GRIP1: variants seen among roughly 807,000 people sequenced by gnomAD.
GRIP1 encodes the protein glutamate receptor interacting protein 1.
In GRIP1, 45 loss-of-function variants were observed where a neutral mutation model predicts 129.9. That is an observed-to-expected ratio of 0.35 (90% confidence interval 0.27 to 0.44). The LOEUF (loss-of-function observed/expected upper bound fraction) is 0.44, where lower values mean the gene tolerates loss of function less well. Ranked by LOEUF, GRIP1 falls within the 20% of genes least tolerant of loss-of-function variation. The pLI is 1.00. For synonymous variants in GRIP1, 530 were observed against 520.8 expected (o/e 1.02, Z -0.24); for missense variants, 1,196 against 1,396.8 (o/e 0.86, Z 2.29).
At chr12:66,979,129 T>C (rs7973888) in intron 1 of GRIP1, among the ~76,000 whole-genome samples, 151,535 of 151,536 alleles carry the variant, frequency 1, 75,767 homozygotes, top group Non-Finnish European at 1. Flanking sequence ...ATACACTTTT[T>C]TTCCTGTATA....
chr12:66,776,764 C>T (rs2037994520), intron 1 of GRIP1, among the ~76,000 whole-genome samples: 1 of 152,112 alleles, frequency 6.6e-6, no homozygotes, highest in Non-Finnish European at 1.5e-5. Flanking sequence ...AATACTTTTG[C>T]TTATTAGATT....
At chr12:66,631,813 AC>A (rs2030819638) in intron 1 of GRIP1, among the ~76,000 whole-genome samples, 1 of 152,222 alleles carries the variant, frequency 6.6e-6, no homozygotes, top group African/African-American at 2.4e-5. Flanking sequence ...GAGTATTTTA[AC>A]GTGACAGAAC....
chr12:66,982,705 G>T (rs143352766), intron 1 of GRIP1, among the ~76,000 whole-genome samples: 1 of 152,148 alleles, frequency 6.6e-6, no homozygotes, highest in South Asian at 2.1e-4. Flanking sequence ...CCCCAGTCAA[G>T]TCTTCAAATG....
chr12:66,944,046 T>C (rs567689518), intron 1 of GRIP1, among the ~76,000 whole-genome samples: 2 of 152,342 alleles, frequency 1.3e-5, no homozygotes, highest in African/African-American at 2.4e-5. Flanking sequence ...AAGGTTGCTA[T>C]AATGACTTAC....
At chr12:66,825,597 C>T (rs931508210) in intron 1 of GRIP1, among the ~76,000 whole-genome samples, 1 of 152,100 alleles carries the variant, frequency 6.6e-6, no homozygotes. Context: ...GTAAAATGGG[C>T]ATAATATAGT....
chr12:66,353,503 G>A lies in GRIP1; in HGVS notation c.3073C>T (p.Leu1025=). The change falls in exon 24 of 25, where the codon CTG becomes TTG. Residue 1025 remains leucine, a synonymous_variant. Coordinates refer to ENST00000359742, the MANE Select transcript of GRIP1 (RefSeq NM_001366722.1). ...DFGFSVADGL[L]EKGVYVKNIR... ...TTTTTGACATACACTCCTTTCTCCA[G>A]TAAGCCATCTGCTACACTGAACCCA... The A allele has an allele frequency of 6.2e-7, 1 of 1,613,154 alleles. No homozygotes were observed. Among genetic ancestry groups the A allele is most frequent in the Non-Finnish European group, 8.5e-7 (1 of 1,179,130 alleles).
upstream of GRIP1, among the ~76,000 whole-genome samples, chr12:66,806,644 G>C (rs1032777663): frequency 7.2e-6 from 1 of 139,524 alleles, no homozygotes; most frequent in African/African-American, 3.4e-5. Context: ...CATTTCACTA[G>C]AGTTTGATTT....
chr12:66,697,400 T>C (rs2035200552), intron 1 of GRIP1, among the ~76,000 whole-genome samples: 1 of 152,184 alleles, frequency 6.6e-6, no homozygotes, highest in South Asian at 2.1e-4. Context: ...AATTTAATTA[T>C]TATGAGCTTC....
intron 2 of GRIP1, among the ~76,000 whole-genome samples, chr12:66,573,113 T>C (rs558190942): frequency 4.2e-4 from 33 of 78,384 alleles, no homozygotes; most frequent in South Asian, 1.3e-3. Context: ...ATATATGTTA[T>C]ATATATGCCG....
At chr12:66,747,277 T>C (rs1033258979) in intron 1 of GRIP1, among the ~76,000 whole-genome samples, 6 of 152,084 alleles carry the variant, frequency 3.9e-5, no homozygotes, top group Non-Finnish European at 7.4e-5. Context: ...TACTTAAAAA[T>C]TGAAAACTAA....
At chr12:66,809,275 T>C (rs1288155428) in intron 1 of GRIP1, among the ~76,000 whole-genome samples, 1 of 152,250 alleles carries the variant, frequency 6.6e-6, no homozygotes, top group African/African-American at 2.4e-5. Flanking sequence ...ATTTATAACC[T>C]TTCCTAGATC....
rs2043285638 is a variant in GRIP1, at chr12:67,048,256, G to C, written c.58+20794C>G. ...ACACACACACACACAAACGTGACAA[G>C]ATTTTTAAAATATTGTTGCTTATAA... On this transcript the variant is annotated intron_variant, in intron 1 of 1. Transcript: ENST00000643019. 2.0e-5 allele frequency among the ~76,000 whole-genome samples: 3 copies of C among 151,702 alleles called. No homozygotes were observed. The South Asian group carries it at 6.2e-4, about 32-fold the overall frequency.
intron 7 of GRIP1, among the ~76,000 whole-genome samples, chr12:66,481,983 G>A (rs999329507): frequency 2.3e-4 from 35 of 152,222 alleles, no homozygotes; most frequent in Middle Eastern, 3.4e-3. Context: ...AGCATTAGGA[G>A]AAGTACCTAA....
At chr12:66,932,356 T>C (rs2041411352) in intron 1 of GRIP1, among the ~76,000 whole-genome samples, 1 of 152,206 alleles carries the variant, frequency 6.6e-6, no homozygotes, top group African/African-American at 2.4e-5. Context: ...ATTAGTCATT[T>C]GAGAAAGTTA....
intron 2 of GRIP1, among the ~76,000 whole-genome samples, chr12:66,586,576 C>T (rs1352312187): frequency 6.6e-6 from 1 of 152,158 alleles, no homozygotes; most frequent in African/African-American, 2.4e-5. Flanking sequence ...AAGCTCTCCT[C>T]TGAGTTCCCC....
At chr12:66,760,977 A>T (rs11615985) in intron 1 of GRIP1, among the ~76,000 whole-genome samples, 2 of 151,734 alleles carry the variant, frequency 1.3e-5, no homozygotes, top group African/African-American at 4.8e-5. Context: ...CTTACCACAC[A>T]GTGTAAGACA....
chr12:66,411,371 C>T (rs577281562), intron 15 of GRIP1, among the ~76,000 whole-genome samples: 7 of 152,204 alleles, frequency 4.6e-5, no homozygotes, highest in South Asian at 2.1e-4. Flanking sequence ...CAAACCACAA[C>T]GGCACTACAG....
chr12:66,775,242 A>C (rs2037942408), intron 1 of GRIP1, among the ~76,000 whole-genome samples: 2 of 152,334 alleles, frequency 1.3e-5, no homozygotes, highest in East Asian at 3.9e-4. Flanking sequence ...GAAAGCCTGA[A>C]AAACAAGCTG....
At chr12:66,546,287 C>A (rs866476703) in intron 2 of GRIP1, among the ~76,000 whole-genome samples, 5 of 151,430 alleles carry the variant, frequency 3.3e-5, no homozygotes, top group Non-Finnish European at 7.4e-5. Flanking sequence ...ACCAGGTGTT[C>A]AAGAGCAGCA....
Sources: allele counts gnomAD v4.1 joint callset (sites outside exome capture counted in the v4.1 genomes callset), GRCh38; gene constraint gnomAD v4.1.1; transcripts MANE v1.5; gene names NCBI Gene and HGNC (gene_info 2026-07-23, HGNC 2026-07-21).